Variants in NRG3 observed in about 807,000 individuals in gnomAD.
The protein encoded by NRG3 is neuregulin 3, also known as pro-neuregulin-3, membrane-bound isoform.
NRG3 carries 31 observed loss-of-function variants against 66.9 expected under a neutral mutation model. The ratio of observed to expected loss-of-function variants is 0.46; its 90% CI spans 0.35 to 0.63. The LOEUF (loss-of-function observed/expected upper bound fraction) is 0.63. NRG3 is among the 20% of genes least tolerant of loss of function. The pLI is 0.00. For synonymous variants in NRG3, 393 were observed against 359.4 expected, an observed-to-expected ratio of 1.09 and a Z score of -1.06; for missense variants, 910 against 878.9, an observed-to-expected ratio of 1.04 and a Z score of -0.45.
chr10:82,489,490 C>G (rs1004653455), intron 2 of NRG3, among the ~76,000 whole-genome samples: 2 of 152,128 alleles, frequency 1.3e-5, no homozygotes, highest in African/African-American at 2.4e-5. Context: ...TAGGCAAAGG[C>G]TGAGGCAGCA....
At chr10:82,383,303 A>T (rs540588592) in intron 2 of NRG3, among the ~76,000 whole-genome samples, 1 of 151,812 alleles carries the variant, frequency 6.6e-6, no homozygotes, top group African/African-American at 2.4e-5. Context: ...TCTCTCTTAA[A>T]TGTTTAAGAT....
intron 1 of NRG3, among the ~76,000 whole-genome samples, chr10:82,305,628 ATATTT>A (rs1322742807): frequency 6.6e-6 from 1 of 151,664 alleles, no homozygotes. Flanking sequence ...TTGTTTTGAG[ATATTT>A]TATCTTTTTG....
intron 1 of NRG3, among the ~76,000 whole-genome samples, chr10:81,880,211 T>C (rs1196806108): frequency 6.6e-6 from 1 of 152,072 alleles, no homozygotes; most frequent in Non-Finnish European, 1.5e-5. Context: ...GCAAGGATAT[T>C]TTTAGGGCCC....
intron 1 of NRG3, among the ~76,000 whole-genome samples, chr10:82,150,354 C>G (rs1346379477): frequency 1.3e-5 from 2 of 149,008 alleles, no homozygotes; most frequent in Non-Finnish European, 3.0e-5. Context: ...ACCCAGCCCA[C>G]CCCTTTGGTG....
At chr10:82,747,388 G>A (rs1385486638) in intron 3 of NRG3, among the ~76,000 whole-genome samples, 5 of 151,910 alleles carry the variant, frequency 3.3e-5, no homozygotes, top group African/African-American at 1.2e-4. Flanking sequence ...ATGATTTCTT[G>A]AGGATAAATT....
Position 82,698,717 on chromosome 10 carries a change from A to T in NRG3, c.954-39860A>T, listed in dbSNP as rs75008262. 3.3e-5 allele frequency among the ~76,000 whole-genome samples: 5 copies of T among 152,244 alleles called. 1 individual carries two copies. In the South Asian group the frequency reaches 1.0e-3, roughly 32 times the overall value. ...TTATCTGTAAAGTGCTGATAATATA[A>T]ATATCTAGCCCACAGAGCGGTTGTG... On this transcript the variant is annotated intron_variant, in intron 2 of 8. Transcript: ENST00000372141.
At chr10:82,214,952 T>A (rs957109247) in intron 1 of NRG3, among the ~76,000 whole-genome samples, 3 of 152,176 alleles carry the variant, frequency 2.0e-5, no homozygotes, top group African/African-American at 7.2e-5. Flanking sequence ...TTACTAAAGT[T>A]TGTGCAGTCT....
chr10:82,519,610 G>C lies in NRG3; in HGVS notation c.953+160742G>C, dbSNP rs914083610. 3.9e-5 allele frequency among the ~76,000 whole-genome samples: 6 copies of C among 152,050 alleles called. No individual in the cohort carries two copies. The South Asian group carries it at 1.2e-3, about 32-fold the overall frequency. ...CCAGCCTGGTCCCATCTCTCTTCTGGGCTCTGTTTTGTGTATTCAAGCATA... is the reference window on the plus strand; with the variant it reads ...CCAGCCTGGTCCCATCTCTCTTCTGCGCTCTGTTTTGTGTATTCAAGCATA... On this transcript the variant is annotated intron_variant, in intron 2 of 8. Coordinates refer to ENST00000372141, the MANE Select transcript of NRG3 (RefSeq NM_001010848.4).
Position 82,456,090 on chromosome 10 carries a change from A to G in NRG3, c.953+97222A>G, listed in dbSNP as rs943817637. 8.1e-5 allele frequency among the ~76,000 whole-genome samples: 12 copies of G among 148,968 alleles called. No individual in the cohort carries two copies. In the South Asian group the frequency reaches 1.5e-3, roughly 18 times the overall value. On this transcript the variant is annotated intron_variant, in intron 2 of 8. Transcript: ENST00000372141. ...CAGCTGCCCAAAAATATCTGTTTTT[A>G]TATCTTTATTCTTAAGCTTTTTACT...
intron 1 of NRG3, among the ~76,000 whole-genome samples, chr10:81,952,690 G>A (rs1221083141): frequency 2.6e-5 from 4 of 152,046 alleles, no homozygotes; most frequent in Non-Finnish European, 5.9e-5. Flanking sequence ...ATGGAGCCTT[G>A]AACTCCTGGC....
At chr10:82,076,522 C>T (rs989193915) in intron 1 of NRG3, among the ~76,000 whole-genome samples, 3 of 152,114 alleles carry the variant, frequency 2.0e-5, no homozygotes, top group Non-Finnish European at 2.9e-5. Flanking sequence ...AAATGTTTCC[C>T]CAATGTTGGA....
Position 81,957,330 on chromosome 10 carries a change from A to G in NRG3, c.823+81167A>G, listed in dbSNP as rs140126276. Reference sequence around the variant, plus strand: ...TGGTATTTCTCTACCTAATAGTGTTATTCCCTCCTCAAAGCCTTTATATTG... The same window carrying G: ...TGGTATTTCTCTACCTAATAGTGTTGTTCCCTCCTCAAAGCCTTTATATTG... On this transcript the variant is annotated intron_variant, in intron 1 of 8. Transcript: ENST00000372141. Among the ~76,000 whole-genome samples, 5 of 152,084 alleles carry G rather than the reference A, an allele frequency of 3.3e-5. No homozygotes were observed. In the East Asian group the frequency reaches 5.8e-4, roughly 18 times the overall value.
chr10:82,890,354 C>T (rs1416083794), intron 4 of NRG3, among the ~76,000 whole-genome samples: 2 of 152,002 alleles, frequency 1.3e-5, no homozygotes, highest in African/African-American at 4.8e-5. Flanking sequence ...ACAGTACTTC[C>T]GTTATCTCAA....
At chr10:82,439,305 G>A (rs1590135084) in intron 2 of NRG3, among the ~76,000 whole-genome samples, 1 of 151,958 alleles carries the variant, frequency 6.6e-6, no homozygotes. Flanking sequence ...GATATCTCCT[G>A]CATGAGCACA....
chr10:82,066,768 CAT>C (rs1208326316), intron 1 of NRG3, among the ~76,000 whole-genome samples: 2 of 152,066 alleles, frequency 1.3e-5, no homozygotes, highest in African/African-American at 4.8e-5. Context: ...TGGGATCAGC[CAT>C]ATGTTGGGAA....
chr10:82,544,732 A>G (rs2043775456), intron 2 of NRG3, among the ~76,000 whole-genome samples: 1 of 152,172 alleles, frequency 6.6e-6, no homozygotes. Flanking sequence ...GGAGCTGACA[A>G]AACCATCTAA....
chr10:82,014,783 G>A (rs1196958195), intron 1 of NRG3, among the ~76,000 whole-genome samples: 1 of 152,132 alleles, frequency 6.6e-6, no homozygotes, highest in Admixed American at 6.6e-5. Flanking sequence ...TGAACTAAAG[G>A]CATGCAGTAG....
chr10:82,896,611 T>C (rs995424235), intron 4 of NRG3, among the ~76,000 whole-genome samples: 2 of 152,234 alleles, frequency 1.3e-5, no homozygotes, highest in Non-Finnish European at 2.9e-5. Context: ...ATGTAAAATA[T>C]GTAAGTGAAA....
chr10:82,424,018 G>T (rs1427719241), intron 2 of NRG3, among the ~76,000 whole-genome samples: 1 of 151,944 alleles, frequency 6.6e-6, no homozygotes, highest in Non-Finnish European at 1.5e-5. Context: ...GGGTATATCA[G>T]ATTTTCTTTA....
Sources: gnomAD v4.1 joint callset for allele counts (sites outside exome capture counted in the v4.1 genomes callset) on GRCh38, gnomAD v4.1.1 for gene constraint, MANE v1.5 for transcripts, NCBI Gene and HGNC (gene_info 2026-07-23, HGNC 2026-07-21) for gene names.